The following SFTPC variants were observed in gnomAD, a reference collection of about 807,000 sequenced individuals.
The protein encoded by SFTPC is BRICHOS domain containing 6.
A neutral mutation model predicts 19.9 loss-of-function variants in SFTPC; 12 were observed. The ratio of observed to expected loss-of-function variants is 0.60; its 90% CI spans 0.39 to 0.98. The LOEUF (loss-of-function observed/expected upper bound fraction) is 0.98. Ranked by LOEUF, SFTPC falls within the 50% of genes least tolerant of loss-of-function variation. SFTPC has a pLI of 0.00. For missense variants in SFTPC, 219 were observed against 252.2 expected (o/e 0.87, Z 0.89); for synonymous variants, 123 against 103.3 (o/e 1.19, Z -1.16).
upstream of SFTPC, chr8:22,159,558 T>G (rs997115600): frequency 2.2e-5 from 8 of 369,176 alleles, no homozygotes; most frequent in Non-Finnish European, 3.7e-5. Context: ...AAAAATGGGT[T>G]TAAAAAAAGA....
upstream of SFTPC, chr8:22,159,384 A>G (rs1373643434): frequency 7.9e-6 from 2 of 254,602 alleles, no homozygotes; most frequent in Admixed American, 1.1e-4. Flanking sequence ...AGTACAGGCC[A>G]AAAAGTGAGA....
upstream of SFTPC, among the ~76,000 whole-genome samples, chr8:22,160,047 T>C (rs8192318): frequency 2.0e-5 from 3 of 152,316 alleles, no homozygotes; most frequent in African/African-American, 7.2e-5. Context: ...CCTTTCACTG[T>C]CCTAGGACAC....
At position 22,161,818 on chromosome 8, in the gene SFTPC, C is replaced by T; in HGVS notation, c.-11C>T. ...GAGAGGAGGAGAGGAGAGCATAGCA[C>T]CTGCAGCAAGATGGATGTGGGCAGC... On this transcript the variant is annotated 5_prime_UTR_variant, in exon 1 of 6. Transcript: ENST00000679463. 1 of 1,614,086 alleles carries T rather than the reference C, an allele frequency of 6.2e-7. No homozygotes were observed.
At chr8:22,158,310 C>T (rs756906821), upstream of SFTPC, among the ~76,000 whole-genome samples, 4 of 152,220 alleles carry the variant, frequency 2.6e-5, no homozygotes, top group African/African-American at 9.6e-5. Context: ...GCCGCCCTCC[C>T]CATGCCAGCT....
chr8:22,160,701 G>A (rs1017623324), upstream of SFTPC, among the ~76,000 whole-genome samples: 6 of 152,208 alleles, frequency 3.9e-5, no homozygotes, highest in Non-Finnish European at 8.8e-5. Flanking sequence ...TGAGTTTAGA[G>A]GTGAAGGGAC....
chr8:22,157,557 G>A (rs2131801428), upstream of SFTPC: 1 of 152,812 alleles, frequency 6.5e-6, no homozygotes, highest in Middle Eastern at 3.4e-3. Flanking sequence ...GGTATCAGCA[G>A]GGATTTCCGC....
rs4715 is a variant in SFTPC, at chr8:22,163,524, C to A, written c.413C>A (p.Thr138Asn). The A allele has an allele frequency of 0.26, 412,118 of 1,610,828 alleles. 54,754 individuals are homozygous for A. The highest frequency in any genetic ancestry group is 0.27 in the East Asian group (12,081 of 44,840). The change falls in exon 4 of 6, where the codon ACT (threonine) becomes AAT (asparagine). Residue 138 changes from threonine (T) to asparagine (N), a missense_variant. Coordinates refer to ENST00000679463, the MANE Select transcript of SFTPC (RefSeq NM_001317778.2). Reference sequence around the variant, plus strand: ...AGCATCCCCAGTCTTGAGGCTCTCACTAGAAAAGTCCACAACTTCCAGGTG... The same window carrying A: ...AGCATCCCCAGTCTTGAGGCTCTCAATAGAAAAGTCCACAACTTCCAGGTG... ...PESIPSLEAL[T>N]RKVHNFQAKP...
At chr8:22,162,496 G>C in intron 1 of SFTPC, 78 bp from the exon 2 acceptor site, 1 of 1,519,248 alleles carries the variant, frequency 6.6e-7, no homozygotes, top group Non-Finnish European at 9.1e-7. Flanking sequence ...CCGTGGGAGG[G>C]TGTTCAGCTT....
At chr8:22,159,987 G>A (rs940090297), upstream of SFTPC, 1 of 474,550 alleles carries the variant, frequency 2.1e-6, no homozygotes, top group Non-Finnish European at 3.6e-6. Flanking sequence ...CTGAGGCCGA[G>A]CTGAGAGGAT....
rs2070684 is a variant in SFTPC at position 22,162,781 on chromosome 8, C to T, written c.201+49C>T. 1.6e-5 allele frequency: 25 copies of T among 1,610,260 alleles called. No homozygotes were observed. In the East Asian group the frequency reaches 5.4e-4, roughly 34 times the overall value. On this transcript the variant is annotated intron_variant, in intron 2 of 5. Coordinates refer to ENST00000679463, the MANE Select transcript of SFTPC (RefSeq NM_001317778.2). ...AGTGGGCACAGGACATGCCAGACAGCGGGGCTAGGTGGGATGGGCGATAGG... is the reference window on the plus strand; with the variant it reads ...AGTGGGCACAGGACATGCCAGACAGTGGGGCTAGGTGGGATGGGCGATAGG...
intron 2 of SFTPC, 50 bp downstream of exon 2, chr8:22,162,782 G>A: frequency 6.2e-7 from 1 of 1,603,866 alleles, no homozygotes. Context: ...GCCAGACAGC[G>A]GGGCTAGGTG....
chr8:22,158,453 G>A (rs1586413627), upstream of SFTPC, among the ~76,000 whole-genome samples: 1 of 152,332 alleles, frequency 6.6e-6, no homozygotes, highest in East Asian at 1.9e-4. Context: ...GCAGCTGAGG[G>A]GCTGGAGGAG....
upstream of SFTPC, among the ~76,000 whole-genome samples, chr8:22,161,393 T>A (rs1344864095): frequency 6.6e-6 from 1 of 152,112 alleles, no homozygotes; most frequent in Non-Finnish European, 1.5e-5. Flanking sequence ...CGCATCCCTA[T>A]GTATCTAGAA....
intron 5 of SFTPC, 41 bp downstream of exon 5, chr8:22,164,100 C>G (rs1214162044): frequency 6.2e-7 from 1 of 1,610,060 alleles, no homozygotes; most frequent in Non-Finnish European, 8.5e-7. Context: ...GAGGAGCGCT[C>G]GGGCCACCTG....
At position 22,163,162 on chromosome 8, in the gene SFTPC, C is replaced by A. The variant is rs552621627; in HGVS notation, c.284C>A (p.Ser95Tyr). Residue 95 changes from serine to tyrosine, a missense_variant, in exon 3 of 6, where the codon TCC becomes TAC. Ser to Tyr is a moderately radical substitution (Grantham distance 144). Coordinates refer to ENST00000679463, the MANE Select transcript of SFTPC (RefSeq NM_001317778.2). ...CACCTGGTTACCACTGCCACCTTCT[C>A]CATCGGCTCCACTGGCCTCGTGGTG... is the stretch of plus-strand genomic sequence containing the variant. The part of the protein sequence containing the change: ...SEHLVTTATF[S>Y]IGSTGLVVYD... The A allele has an allele frequency of 6.2e-7, 1 of 1,614,212 alleles. No individual in the cohort carries two copies. The highest frequency in any genetic ancestry group is 1.1e-5 in the South Asian group (1 of 91,090).
At chr8:22,159,839 G>C (rs1210178783), upstream of SFTPC, 1 of 1,289,292 alleles carries the variant, frequency 7.8e-7, no homozygotes, top group Non-Finnish European at 1.0e-6. Flanking sequence ...TGCCCACCTG[G>C]CTCAGGCCCA....
At position 22,161,809 on chromosome 8, in the gene SFTPC, A is replaced by T. The variant is rs1001777224; in HGVS notation, c.-20A>T. On this transcript the variant is annotated 5_prime_UTR_variant, in exon 1 of 6. Coordinates refer to ENST00000679463, the MANE Select transcript of SFTPC (RefSeq NM_001317778.2). ...CACACCTGGGAGAGGAGGAGAGGAGAGCATAGCACCTGCAGCAAGATGGAT... is the reference window on the plus strand; with the variant it reads ...CACACCTGGGAGAGGAGGAGAGGAGTGCATAGCACCTGCAGCAAGATGGAT... The T allele has an allele frequency of 6.2e-7, 1 of 1,614,014 alleles. No individual in the cohort carries two copies. The highest frequency in any genetic ancestry group is 8.5e-7 in the Non-Finnish European group (1 of 1,179,996).
At chr8:22,162,870 A>T (rs982236355) in intron 2 of SFTPC, 138 bp downstream of exon 2, 4 of 1,362,552 alleles carry the variant, frequency 2.9e-6, no homozygotes, top group Non-Finnish European at 4.1e-6. Context: ...AGAGGCACGA[A>T]CCAGGCAGCA....
chr8:22,162,012 G>A, intron 1 of SFTPC, 142 bp downstream of exon 1: 2 of 911,256 alleles, frequency 2.2e-6, no homozygotes, highest in East Asian at 2.6e-5. Flanking sequence ...GTCAGGATGG[G>A]GACACCAAGA....
Sources: allele counts gnomAD v4.1 joint callset (sites outside exome capture counted in the v4.1 genomes callset), GRCh38; gene constraint gnomAD v4.1.1; transcripts MANE v1.5; gene names NCBI Gene and HGNC (gene_info 2026-07-23, HGNC 2026-07-21).